Variants in JAK2 observed in about 807,000 individuals in gnomAD.
The protein encoded by JAK2 is tyrosine-protein kinase JAK2.
In JAK2, 86 loss-of-function variants were observed where a neutral mutation model predicts 139.3. The observed-to-expected ratio is 0.62, with a 90% CI of 0.52 to 0.74. The LOEUF is 0.74. Ranked by LOEUF, JAK2 falls within the 30% of genes least tolerant of loss-of-function variation. The pLI is 0.00. For synonymous variants in JAK2, 490 were observed against 437.7 expected (o/e 1.12, Z -1.49); for missense variants, 1,421 against 1,360.3 (o/e 1.04, Z -0.70).
At chr9:5,112,463 C>A in intron 22 of JAK2, 1 of 543,890 alleles carries the variant, frequency 1.8e-6, no homozygotes, top group Non-Finnish European at 3.3e-6. Flanking sequence ...CTGAAGGACC[C>A]CCGGGACCGG....
At chr9:5,088,283 AGAGATT>A (rs1490233092) in intron 19 of JAK2, among the ~76,000 whole-genome samples, 1 of 152,178 alleles carries the variant, frequency 6.6e-6, no homozygotes, top group Non-Finnish European at 1.5e-5. Flanking sequence ...TGTGTAATTA[AGAGATT>A]TAACTTTGAG....
At position 5,050,734 on chromosome 9, in the gene JAK2, G is replaced by A. The variant is rs1191593743; in HGVS notation, c.517G>A (p.Glu173Lys). ...ATGGATAAAAGTACCTGTGACTCAT[G>A]AAACACAGGAAGAATGTCTTGGGAT... ...HGWIKVPVTH[E>K]TQEECLGMAV... The change falls in exon 6 of 25, where the codon GAA (glutamate) becomes AAA (lysine). Residue 173 changes from glutamate (E) to lysine (K), a missense_variant. Glu to Lys is a moderately conservative substitution (Grantham distance 56, BLOSUM62 1). Coordinates refer to ENST00000381652, the MANE Select transcript of JAK2 (RefSeq NM_004972.4). 6.2e-7 allele frequency: 1 copy of A among 1,613,766 alleles called. No individual in the cohort carries two copies. Among genetic ancestry groups the A allele is most frequent in the East Asian group, 2.2e-5 (1 of 44,874 alleles).
At chr9:5,101,667 C>T (rs190588640) in intron 22 of JAK2, among the ~76,000 whole-genome samples, 7 of 152,284 alleles carry the variant, frequency 4.6e-5, no homozygotes, top group South Asian at 2.1e-4. Context: ...CTGTCTGGGA[C>T]GAAGCTTCCA....
intron 22 of JAK2, 177 bp downstream of exon 22, chr9:5,091,088 G>T: frequency 4.1e-6 from 2 of 483,706 alleles, no homozygotes; most frequent in East Asian, 3.5e-5. Flanking sequence ...AGTCCACGTG[G>T]GAAAATGGCA....
intron 22 of JAK2, among the ~76,000 whole-genome samples, chr9:5,104,689 A>C (rs1448176000): frequency 3.3e-5 from 5 of 152,234 alleles, no homozygotes; most frequent in Non-Finnish European, 1.5e-5. Flanking sequence ...ATCCAGCAGC[A>C]CATCCAAAAG....
At chr9:5,010,330 CTTT>C (rs954103463) in intron 2 of JAK2, among the ~76,000 whole-genome samples, 3 of 144,480 alleles carry the variant, frequency 2.1e-5, no homozygotes. Context: ...TGTCAGTTGT[CTTT>C]TTTTTTTTTA....
chr9:5,029,324 C>T (rs138998702), intron 3 of JAK2, among the ~76,000 whole-genome samples: 6 of 152,132 alleles, frequency 3.9e-5, no homozygotes, highest in South Asian at 2.1e-4. Flanking sequence ...TATATGGGCA[C>T]GGTTCATAGC....
intron 22 of JAK2, among the ~76,000 whole-genome samples, chr9:5,118,310 A>G (rs1375059292): frequency 6.6e-6 from 1 of 152,048 alleles, no homozygotes; most frequent in Non-Finnish European, 1.5e-5. Context: ...CTCATTCCAA[A>G]TTTTGCATAA....
rs547895009 is a variant in JAK2 at position 5,103,311 on chromosome 9, A to G, written c.3059+12400A>G. Among the ~76,000 whole-genome samples the G allele has an allele frequency of 2.0e-5, 3 of 151,292 alleles. No individual in the cohort carries two copies. In the East Asian group the frequency reaches 5.8e-4, roughly 29 times the overall value. On this transcript the variant is annotated intron_variant, in intron 22 of 24. Coordinates refer to ENST00000381652, the MANE Select transcript of JAK2 (RefSeq NM_004972.4). ...AAAGACTTTAAGCCAACAAAGATCA[A>G]AAGAGACAAAAAAGGCCATTACATA...
At chr9:5,079,070 T>C (rs957157887) in intron 16 of JAK2, among the ~76,000 whole-genome samples, 8 of 152,218 alleles carry the variant, frequency 5.3e-5, no homozygotes, top group African/African-American at 1.9e-4. Flanking sequence ...TGTGCACTGA[T>C]GTGTCCTATT....
chr9:4,987,694 C>CTCCAGGCAGGG (rs58159255), intron 2 of JAK2, among the ~76,000 whole-genome samples: 1 of 146,720 alleles, frequency 6.8e-6, no homozygotes, highest in Non-Finnish European at 1.5e-5. Context: ...CGAGATCTCA[C>CTCCAGGCAGGG]CACTGCACTC....
chr9:5,012,107 C>T (rs1307877741), intron 2 of JAK2, among the ~76,000 whole-genome samples: 1 of 152,114 alleles, frequency 6.6e-6, no homozygotes, highest in Non-Finnish European at 1.5e-5. Flanking sequence ...AGATTTCTGC[C>T]CTCAATTTTT....
chr9:5,110,952 C>CA, intron 22 of JAK2: 1 of 593,834 alleles, frequency 1.7e-6, no homozygotes, highest in East Asian at 4.1e-5. Flanking sequence ...TGGACACGGA[C>CA]AAGGAGCTCA....
intron 2 of JAK2, among the ~76,000 whole-genome samples, chr9:5,005,965 C>T (rs559931223): frequency 6.6e-6 from 1 of 152,062 alleles, no homozygotes; most frequent in Non-Finnish European, 1.5e-5. Flanking sequence ...TAGGATTGAC[C>T]TGGCGATGCA....
At chr9:5,085,945 A>G in intron 19 of JAK2, 1 of 1,120,838 alleles carries the variant, frequency 8.9e-7, no homozygotes, top group East Asian at 2.4e-5. Context: ...CCGAGTTTGA[A>G]AGGATCGGTG....
At chr9:5,112,624 C>G in intron 22 of JAK2, 1 of 977,784 alleles carries the variant, frequency 1.0e-6, no homozygotes. Context: ...GGCAACTGCA[C>G]CTCAACAGCG....
At chr9:5,000,769 TTTGA>T (rs1337755927) in intron 2 of JAK2, among the ~76,000 whole-genome samples, 3 of 152,200 alleles carry the variant, frequency 2.0e-5, no homozygotes, top group Admixed American at 1.3e-4. Context: ...CATCTTCTTG[TTTGA>T]TATATTTGTA....
In JAK2 at chr9:5,054,689, C is replaced by A; in HGVS notation, c.741C>A (p.Ala247=). Reference sequence around the variant, plus strand: ...AATTCAGCCAATGCAAAGCCACTGCCAGAAACTTGAAACTTAAGTATCTTA... The same window carrying A: ...AATTCAGCCAATGCAAAGCCACTGCAAGAAACTTGAAACTTAAGTATCTTA... ...IQQFSQCKAT[A]RNLKLKYLIN... The change falls in exon 7 of 25, where the codon GCC becomes GCA. Residue 247 remains alanine (A), a synonymous_variant. Transcript: ENST00000381652. The surrounding 1 kb of genome is among the most constrained non-coding windows in gnomAD (Gnocchi z 4.9). 6.2e-7 allele frequency: 1 copy of A among 1,613,380 alleles called. No homozygotes were observed. Among genetic ancestry groups the A allele is most frequent in the Admixed American group, 1.7e-5 (1 of 59,978 alleles).
chr9:5,052,817 G>A (rs900511335), intron 6 of JAK2, among the ~76,000 whole-genome samples: 9 of 151,978 alleles, frequency 5.9e-5, no homozygotes, highest in Non-Finnish European at 1.2e-4. Context: ...GTTGTAGAAT[G>A]TATCAGTACT....
Sources: allele counts gnomAD v4.1 joint callset (sites outside exome capture counted in the v4.1 genomes callset), GRCh38; gene constraint gnomAD v4.1.1; non-coding constraint Gnocchi (gnomAD v3.1); transcripts MANE v1.5; gene names NCBI Gene and HGNC (gene_info 2026-07-23, HGNC 2026-07-21).